ATRNL1: variants seen among roughly 807,000 people sequenced by gnomAD.
ATRNL1 encodes the protein attractin-like protein 1.
ATRNL1 carries 95 observed loss-of-function variants against 182.7 expected under a neutral mutation model. The ratio of observed to expected loss-of-function variants is 0.52; its 90% CI spans 0.44 to 0.62. ATRNL1 has a LOEUF of 0.62. Among genes scored for constraint, ATRNL1 ranks in the 20% least tolerant of loss-of-function variants. ATRNL1 has a pLI of 0.00. For synonymous variants in ATRNL1, 576 were observed against 568.3 expected (o/e 1.01, Z -0.19); for missense variants, 1,471 against 1,679.5 (o/e 0.88, Z 2.17).
chr10:115,322,303 A>G (rs952455996), intron 18 of ATRNL1, among the ~76,000 whole-genome samples: 2 of 151,830 alleles, frequency 1.3e-5, no homozygotes, highest in Admixed American at 6.6e-5. Flanking sequence ...GAGGATAAGT[A>G]TATAGTTATA....
rs116156120 is a variant in ATRNL1 at position 115,283,975 on chromosome 10, G to A, written c.2234-2241G>A. On this transcript the variant is annotated intron_variant, in intron 14 of 28. Transcript: ENST00000355044. ...CTAAGCAGCCAACTGGTTATATATC[G>A]TTTGATTTCCATTCAGCTTATCTCA... is the stretch of plus-strand genomic sequence containing the variant. 7.8e-3 allele frequency among the ~76,000 whole-genome samples: 1,182 copies of A among 152,216 alleles called. 14 individuals carry two copies. Among genetic ancestry groups the A allele is most frequent in the African/African-American group, 0.025 (1,057 of 41,540 alleles).
At chr10:115,893,728 C>T (rs920771617) in intron 28 of ATRNL1, among the ~76,000 whole-genome samples, 2 of 152,066 alleles carry the variant, frequency 1.3e-5, no homozygotes, top group Non-Finnish European at 1.5e-5. Flanking sequence ...TGGCAGTGGG[C>T]AGTGAAGGGC....
intron 28 of ATRNL1, among the ~76,000 whole-genome samples, chr10:115,874,723 G>A (rs1219354682): frequency 2.6e-5 from 4 of 152,184 alleles, no homozygotes; most frequent in Admixed American, 6.5e-5. Context: ...AGGCAGCAGA[G>A]GTGGAGAAGC....
At chr10:115,540,978 A>G (rs1852328671) in intron 25 of ATRNL1, among the ~76,000 whole-genome samples, 1 of 152,218 alleles carries the variant, frequency 6.6e-6, no homozygotes, top group Non-Finnish European at 1.5e-5. Flanking sequence ...TGAAATATCT[A>G]GAAGGTAATG....
At chr10:115,821,106 C>T (rs1258432278) in intron 27 of ATRNL1, among the ~76,000 whole-genome samples, 2 of 152,122 alleles carry the variant, frequency 1.3e-5, no homozygotes, top group South Asian at 2.1e-4. Context: ...AGGCCTCCCT[C>T]ACCATGTAGA....
chr10:115,778,995 A>G (rs781961592), intron 27 of ATRNL1, among the ~76,000 whole-genome samples: 1 of 152,326 alleles, frequency 6.6e-6, no homozygotes, highest in Admixed American at 6.5e-5. Flanking sequence ...TTGCCAATAC[A>G]TGATAATAAT....
At chr10:115,622,274 G>T (rs908566341) in intron 26 of ATRNL1, among the ~76,000 whole-genome samples, 3 of 152,172 alleles carry the variant, frequency 2.0e-5, no homozygotes, top group Non-Finnish European at 4.4e-5. Flanking sequence ...AAAAGAACAT[G>T]TAATTTGTTT....
intron 1 of ATRNL1, 41 bp downstream of exon 1, chr10:115,094,084 C>T (rs2084947789): frequency 7.5e-7 from 1 of 1,341,264 alleles, no homozygotes; most frequent in Non-Finnish European, 9.6e-7. Flanking sequence ...AGCCCTGCCT[C>T]GCTCCCGTCG....
At chr10:115,857,884 T>G (rs1555102497) in intron 28 of ATRNL1, among the ~76,000 whole-genome samples, 2 of 152,230 alleles carry the variant, frequency 1.3e-5, no homozygotes, top group South Asian at 4.1e-4. Context: ...ACATTTTTCT[T>G]TTCTTTTTTC....
chr10:115,570,226 T>G (rs1854310493), intron 26 of ATRNL1, among the ~76,000 whole-genome samples: 1 of 152,196 alleles, frequency 6.6e-6, no homozygotes, highest in Non-Finnish European at 1.5e-5. Context: ...CTTCCCAAAG[T>G]GCTGGGATTT....
At chr10:115,452,590 A>C (rs1554967869) in intron 21 of ATRNL1, among the ~76,000 whole-genome samples, 1 of 152,172 alleles carries the variant, frequency 6.6e-6, no homozygotes, top group East Asian at 1.9e-4. Context: ...AAATATCCAC[A>C]ATTTGATAAA....
At chr10:115,480,479 CT>C (rs1336426994) in intron 24 of ATRNL1, among the ~76,000 whole-genome samples, 3 of 150,798 alleles carry the variant, frequency 2.0e-5, no homozygotes, top group African/African-American at 7.3e-5. Flanking sequence ...AGTTTCAATT[CT>C]TTTTGTCATT....
intron 26 of ATRNL1, among the ~76,000 whole-genome samples, chr10:115,591,956 T>G (rs782236452): frequency 8.3e-4 from 127 of 152,146 alleles, no homozygotes; most frequent in Non-Finnish European, 1.8e-3. Flanking sequence ...TTAAAGAAAA[T>G]GTAGTACATG....
At chr10:115,112,830 A>G (rs1423828287) in intron 1 of ATRNL1, among the ~76,000 whole-genome samples, 1 of 152,222 alleles carries the variant, frequency 6.6e-6, no homozygotes. Context: ...GCAATAGCCA[A>G]CACCATAGAC....
At chr10:115,714,225 T>C (rs1308224435) in intron 26 of ATRNL1, among the ~76,000 whole-genome samples, 3 of 152,090 alleles carry the variant, frequency 2.0e-5, no homozygotes, top group Non-Finnish European at 4.4e-5. Context: ...TTGTAGGACC[T>C]TTTCCTTAGT....
At chr10:115,938,917 T>C (rs182863756) in intron 28 of ATRNL1, among the ~76,000 whole-genome samples, 2 of 152,224 alleles carry the variant, frequency 1.3e-5, no homozygotes, top group Admixed American at 1.3e-4. Context: ...ACTGGAGGAA[T>C]AAGTTTTAAT....
intron 26 of ATRNL1, among the ~76,000 whole-genome samples, chr10:115,719,093 A>T (rs1357651424): frequency 6.6e-6 from 1 of 152,208 alleles, no homozygotes; most frequent in Non-Finnish European, 1.5e-5. Flanking sequence ...TTTATTTTTT[A>T]AAAACGATGA....
chr10:115,406,216 G>A (rs1554958224), intron 20 of ATRNL1, among the ~76,000 whole-genome samples: 3 of 152,104 alleles, frequency 2.0e-5, no homozygotes, highest in African/African-American at 7.2e-5. Context: ...CCAGTAATGG[G>A]ATGGCTGGGT....
intron 27 of ATRNL1, among the ~76,000 whole-genome samples, chr10:115,816,891 T>C (rs1950178300): frequency 6.6e-6 from 1 of 152,154 alleles, no homozygotes; most frequent in Admixed American, 6.6e-5. Context: ...TCTGGAGCTA[T>C]GTGTGCGTTA....
Sources: allele counts gnomAD v4.1 joint callset (sites outside exome capture counted in the v4.1 genomes callset), GRCh38; gene constraint gnomAD v4.1.1; transcripts MANE v1.5; gene names NCBI Gene and HGNC (gene_info 2026-07-23, HGNC 2026-07-21).